The following ZNF407 variants were observed in gnomAD, a reference collection of about 807,000 sequenced individuals.
ZNF407 encodes zinc finger protein 407.
ZNF407 carries 17 observed loss-of-function variants against 131.2 expected under a neutral mutation model. The ratio of observed to expected loss-of-function variants is 0.13; its 90% CI spans 0.09 to 0.19. The LOEUF is 0.19. ZNF407 is among the 10% of genes least tolerant of loss of function. The pLI is 1.00. For synonymous variants in ZNF407, 1,156 were observed against 1,062.0 expected (o/e 1.09, Z -1.72); for missense variants, 2,681 against 2,830.6 (o/e 0.95, Z 1.20).
intron 4 of ZNF407, among the ~76,000 whole-genome samples, chr18:74,835,468 G>T (rs1430183614): frequency 6.6e-6 from 1 of 152,154 alleles, no homozygotes; most frequent in Non-Finnish European, 1.5e-5. Context: ...TGCTATAATA[G>T]AATATAAACT....
chr18:74,804,975 A>G (rs543502545), intron 4 of ZNF407, among the ~76,000 whole-genome samples: 212 of 152,282 alleles, frequency 1.4e-3, no homozygotes, highest in Non-Finnish European at 2.5e-3. Flanking sequence ...GAATTCAGCT[A>G]CCGTTGTTTC....
intron 8 of ZNF407, among the ~76,000 whole-genome samples, chr18:74,997,918 GTTC>G (rs1376526526): frequency 6.6e-6 from 1 of 152,160 alleles, no homozygotes; most frequent in Admixed American, 6.5e-5. Context: ...TGGCTCTGTT[GTTC>G]TTCACTTGTT....
chr18:74,733,429 C>G (rs554822820), intron 3 of ZNF407, among the ~76,000 whole-genome samples: 1 of 152,004 alleles, frequency 6.6e-6, no homozygotes, highest in Middle Eastern at 3.2e-3. Flanking sequence ...TTCTTTTCCT[C>G]TTTTTGAAGT....
chr18:74,947,545 G>A (rs1242827125), intron 8 of ZNF407, among the ~76,000 whole-genome samples: 1 of 152,182 alleles, frequency 6.6e-6, no homozygotes, highest in Admixed American at 6.5e-5. Context: ...AAGTCAGGCT[G>A]CAGCAGCAAA....
chr18:74,645,114 A>G (rs1470656915), intron 3 of ZNF407, among the ~76,000 whole-genome samples: 1 of 140,428 alleles, frequency 7.1e-6, no homozygotes, highest in Admixed American at 6.8e-5. Flanking sequence ...CCACTCATTC[A>G]TGTGTTGATT....
At chr18:74,787,814 A>G (rs1365856464) in intron 4 of ZNF407, among the ~76,000 whole-genome samples, 1 of 152,228 alleles carries the variant, frequency 6.6e-6, no homozygotes, top group Non-Finnish European at 1.5e-5. Context: ...CTCATTTAGC[A>G]CACAGCTATG....
intron 8 of ZNF407, among the ~76,000 whole-genome samples, chr18:74,976,885 T>C (rs1972534251): frequency 1.3e-5 from 2 of 148,372 alleles, no homozygotes; most frequent in African/African-American, 5.1e-5. Flanking sequence ...TCGAGAATTT[T>C]CCCCTGATCT....
chr18:75,017,752 T>C (rs1352599911), intron 8 of ZNF407, among the ~76,000 whole-genome samples: 2 of 152,146 alleles, frequency 1.3e-5, no homozygotes, highest in African/African-American at 4.8e-5. Context: ...AATGGTAGCC[T>C]CCTCATTGCT....
chr18:75,005,489 T>C (rs1345759408), intron 8 of ZNF407, among the ~76,000 whole-genome samples: 8 of 152,156 alleles, frequency 5.3e-5, no homozygotes, highest in African/African-American at 1.9e-4. Flanking sequence ...TTTACAAATA[T>C]ATATATATAA....
chr18:74,862,159 T>C (rs1465238206), intron 4 of ZNF407, among the ~76,000 whole-genome samples: 2 of 152,254 alleles, frequency 1.3e-5, no homozygotes, highest in African/African-American at 4.8e-5. Context: ...CAATACATAA[T>C]TCCTTTGTTA....
chr18:74,866,363 T>TA (rs1417857606), intron 4 of ZNF407, among the ~76,000 whole-genome samples: 1 of 152,166 alleles, frequency 6.6e-6, no homozygotes, highest in Non-Finnish European at 1.5e-5. Flanking sequence ...TAGCTAATCT[T>TA]ACCTTGAGCT....
At chr18:74,720,927 C>CTTTTTT (rs34746909) in intron 3 of ZNF407, among the ~76,000 whole-genome samples, 2 of 143,612 alleles carry the variant, frequency 1.4e-5, no homozygotes, top group Non-Finnish European at 1.5e-5. Context: ...ATACCTTCAG[C>CTTTTTT]TTTTTTTTTT....
chr18:74,659,253 A>C (rs1286402633), intron 3 of ZNF407, among the ~76,000 whole-genome samples: 2 of 152,106 alleles, frequency 1.3e-5, no homozygotes, highest in Admixed American at 1.3e-4. Context: ...TGATGAGATA[A>C]ATCCATTTCA....
chr18:74,669,076 C>T lies in ZNF407; in HGVS notation c.4802+27954C>T, dbSNP rs1052750232. Among the ~76,000 whole-genome samples, 255 of 152,148 alleles carry T rather than the reference C, an allele frequency of 1.7e-3. 5 individuals are homozygous for T. Among genetic ancestry groups the T allele is most frequent in the Non-Finnish European group, 5.0e-4 (34 of 68,024 alleles). ...CCCGTCATCACTGTCTCTCTGTTGT[C>T]TTTCCTACTTCCTGAACCCTTGACT... On this transcript the variant is annotated intron_variant, in intron 3 of 8. Coordinates refer to ENST00000299687, the MANE Select transcript of ZNF407 (RefSeq NM_017757.3).
intron 4 of ZNF407, among the ~76,000 whole-genome samples, chr18:74,825,120 A>G (rs959519671): frequency 6.6e-6 from 1 of 152,202 alleles, no homozygotes; most frequent in Non-Finnish European, 1.5e-5. Flanking sequence ...CCACATGATT[A>G]TCTCAATAGA....
At chr18:74,911,263 C>A (rs1303958922) in intron 7 of ZNF407, among the ~76,000 whole-genome samples, 5 of 152,178 alleles carry the variant, frequency 3.3e-5, no homozygotes, top group African/African-American at 7.2e-5. Context: ...ATAGCCCATT[C>A]CCTCCCTATA....
chr18:74,697,656 T>C (rs1261724354), intron 3 of ZNF407, among the ~76,000 whole-genome samples: 1 of 152,138 alleles, frequency 6.6e-6, no homozygotes, highest in Non-Finnish European at 1.5e-5. Flanking sequence ...GTTTACTGGC[T>C]AACATTTAAG....
At chr18:75,001,126 G>A (rs529585580) in intron 8 of ZNF407, among the ~76,000 whole-genome samples, 10 of 152,146 alleles carry the variant, frequency 6.6e-5, no homozygotes, top group Admixed American at 2.0e-4. Flanking sequence ...CCCAGCCTCC[G>A]CAGTGTTTGT....
chr18:74,632,614 A>G lies in ZNF407; in HGVS notation c.1595A>G (p.Asp532Gly), dbSNP rs1984178076. The change falls in exon 2 of 9, where the codon GAC (aspartate) becomes GGC (glycine). Residue 532 changes from aspartate to glycine, a missense_variant. Physicochemically the swap from Asp to Gly is moderately conservative, Grantham distance 94 (BLOSUM62 -1). Transcript: ENST00000299687. The part of the protein sequence containing the change: ...SGSQTLCACT[D>G]CGQVATNRTD... ...TCTCAGACGTTGTGTGCTTGTACAG[A>G]CTGTGGGCAAGTAGCTACAAATAGG... 2 of 1,613,914 alleles carry G rather than the reference A, an allele frequency of 1.2e-6. No individual in the cohort carries two copies. Among genetic ancestry groups the G allele is most frequent in the Non-Finnish European group, 1.7e-6 (2 of 1,179,904 alleles).
Sources: allele counts gnomAD v4.1 joint callset (sites outside exome capture counted in the v4.1 genomes callset), GRCh38; gene constraint gnomAD v4.1.1; transcripts MANE v1.5; gene names NCBI Gene and HGNC (gene_info 2026-07-23, HGNC 2026-07-21).